The following EPG5 variants were observed in gnomAD, a reference collection of about 807,000 sequenced individuals.
EPG5 encodes the protein ectopic P-granules 5 autophagy tethering factor, also known as ectopic P granules protein 5 homolog.
Under a neutral mutation model 302.7 loss-of-function variants are expected in EPG5, and 159 were observed. The ratio of observed to expected loss-of-function variants is 0.53; its 90% CI spans 0.46 to 0.60. EPG5 has a LOEUF of 0.60. Among genes scored for constraint, EPG5 ranks in the 20% least tolerant of loss-of-function variants. The probability of loss-of-function intolerance (pLI) is 0.00; values close to 1 mark genes in which losing one functional copy is unlikely to be tolerated. For synonymous variants in EPG5, 1,158 were observed against 1,136.8 expected (o/e 1.02, Z -0.37); for missense variants, 2,896 against 3,092.4 (o/e 0.94, Z 1.51).
chr18:45,913,489 G>A (rs1436539720), intron 21 of EPG5, among the ~76,000 whole-genome samples: 1 of 152,206 alleles, frequency 6.6e-6, no homozygotes, highest in Admixed American at 6.5e-5. Flanking sequence ...CATGTGCAAT[G>A]ATCCAGCCTT....
At chr18:45,956,158 C>T (rs990256117) in intron 1 of EPG5, among the ~76,000 whole-genome samples, 29 of 152,198 alleles carry the variant, frequency 1.9e-4, no homozygotes, top group African/African-American at 6.8e-4. Flanking sequence ...ACCAGTAATA[C>T]TGACATCAGA....
At chr18:45,878,765 T>C (rs958923356) in intron 33 of EPG5, among the ~76,000 whole-genome samples, 6 of 152,148 alleles carry the variant, frequency 3.9e-5, no homozygotes, top group Admixed American at 1.3e-4. Flanking sequence ...AACTGAAACC[T>C]CTCTGTACCC....
At chr18:45,838,910 C>T in the EPG5 span, 1 of 1,602,140 alleles carries the variant, frequency 6.2e-7, no homozygotes, top group Admixed American at 1.7e-5. Flanking sequence ...CCCGCACTGA[C>T]CCATGACGGC....
the EPG5 span, among the ~76,000 whole-genome samples, chr18:45,815,517 C>G: frequency 6.6e-6 from 1 of 151,774 alleles, no homozygotes; most frequent in Non-Finnish European, 1.5e-5. Flanking sequence ...AGAATCAAAT[C>G]AAGAACTCAA....
Position 45,928,893 on chromosome 18 carries a change from T to C in EPG5, c.2529A>G (p.Gln843=), listed in dbSNP as rs780942299. The C allele has an allele frequency of 8.1e-6, 13 of 1,613,840 alleles. No individual in the cohort carries two copies. In the African/African-American group the frequency reaches 1.6e-4, roughly 20 times the overall value. Residue 843 remains glutamine, a synonymous_variant, in exon 13 of 44, where the codon CAA becomes CAG. Coordinates refer to ENST00000282041, the MANE Select transcript of EPG5 (RefSeq NM_020964.3). The part of the protein sequence containing the change: ...EIISVLLDRV[Q]ETIDQVGMVS... ...CCATTCCAACCTGGTCAATGGTCTC[T>C]TGAACTCTATCCAGAAGGACGGAAA...
chr18:45,938,234 G>C (rs541244189), intron 10 of EPG5, among the ~76,000 whole-genome samples: 9 of 152,272 alleles, frequency 5.9e-5, no homozygotes, highest in African/African-American at 2.2e-4. Flanking sequence ...GCTGAGCCGG[G>C]CAGATCACTT....
chr18:45,884,497 C>A, intron 30 of EPG5, 120 bp downstream of exon 30: 1 of 804,748 alleles, frequency 1.2e-6, no homozygotes, highest in Non-Finnish European at 1.9e-6. Flanking sequence ...GTGAAAAAGG[C>A]CTCTCAGCCT....
At chr18:45,895,984 G>A (rs2049462302) in intron 27 of EPG5, among the ~76,000 whole-genome samples, 1 of 152,150 alleles carries the variant, frequency 6.6e-6, no homozygotes, top group Non-Finnish European at 1.5e-5. Flanking sequence ...TGAGCAAAAC[G>A]AACAACTTGC....
chr18:45,936,802 A>C (rs2050538460), intron 10 of EPG5, among the ~76,000 whole-genome samples: 2 of 150,790 alleles, frequency 1.3e-5, no homozygotes, highest in African/African-American at 4.9e-5. Context: ...AAAAAACTTA[A>C]AAAAATACGA....
chr18:45,836,314 T>G, the EPG5 span, among the ~76,000 whole-genome samples: 1 of 152,142 alleles, frequency 6.6e-6, no homozygotes, highest in African/African-American at 2.4e-5. Flanking sequence ...ACATGGTATC[T>G]ATGAAAGCAC....
At chr18:45,862,111 G>A (rs61224237) in intron 39 of EPG5, among the ~76,000 whole-genome samples, 2,019 of 152,232 alleles carry the variant, frequency 0.013, 48 homozygotes, top group African/African-American at 0.046. Flanking sequence ...TTGGTTCCCA[G>A]ATGATGTAAT....
intron 9 of EPG5, 112 bp downstream of exon 9, chr18:45,943,049 G>T: frequency 1.9e-6 from 2 of 1,039,460 alleles, no homozygotes; most frequent in Non-Finnish European, 2.7e-6. Flanking sequence ...TAACTATTAC[G>T]AGAAATAAGA....
chr18:45,817,489 T>C, the EPG5 span, among the ~76,000 whole-genome samples: 1 of 152,228 alleles, frequency 6.6e-6, no homozygotes, highest in African/African-American at 2.4e-5. Flanking sequence ...CATGAGCAAC[T>C]TAGCTGAGTG....
At chr18:45,823,477 G>GTA in the EPG5 span, among the ~76,000 whole-genome samples, 1 of 152,126 alleles carries the variant, frequency 6.6e-6, no homozygotes, top group African/African-American at 2.4e-5. Flanking sequence ...CGGTAAAGCT[G>GTA]TATTTCCTTA....
Position 45,878,437 on chromosome 18 carries a change from G to C in EPG5, c.5881C>G (p.Leu1961Val), listed in dbSNP as rs528443920. ...TASRKTVLKS[L>V]HSVIIQLFKP... is the part of the protein sequence containing the mutation. ...AAGAGCTGAATGATTACTGAATGTA[G>C]GGATTTCAGCACTAAAAAGTTTTAG... The change falls in exon 34 of 44, where the codon CTA becomes GTA. Residue 1961 changes from leucine to valine, a missense_variant. Leu to Val is a conservative substitution (Grantham distance 32). Coordinates refer to ENST00000282041, the MANE Select transcript of EPG5 (RefSeq NM_020964.3). 2 of 1,611,258 alleles carry C rather than the reference G, an allele frequency of 1.2e-6. No individual in the cohort carries two copies. The highest frequency in any genetic ancestry group is 1.7e-6 in the Non-Finnish European group (2 of 1,178,464).
intron 13 of EPG5, among the ~76,000 whole-genome samples, chr18:45,927,593 T>TACATACACACACAC (rs2050302626): frequency 7.5e-6 from 1 of 133,426 alleles, no homozygotes; most frequent in Non-Finnish European, 1.6e-5. Flanking sequence ...CAAAAAGTTA[T>TACATACACACACAC]ACACACACAC....
chr18:45,852,467 C>CT lies in EPG5; in HGVS notation c.7739dup (p.Ter2580=). Residue 2580 remains the stop codon, a frameshift_variant and stop_retained_variant, in exon 44 of 44, where the codon TAG becomes TAAG. Coordinates refer to ENST00000282041, the MANE Select transcript of EPG5 (RefSeq NM_020964.3). LOFTEE classifies it high-confidence loss of function. The part of the protein sequence containing the change: ...PEVHYLDHIR[*] ...GGTTTTTCAAGAGCCTCAGTGTTAA[C>CT]TATCGTATGTGGTCCAAATAATGCA... 6.2e-7 allele frequency: 1 copy of CT among 1,608,320 alleles called. No individual in the cohort carries two copies. Among genetic ancestry groups the CT allele is most frequent in the East Asian group, 2.2e-5 (1 of 44,854 alleles).
chr18:45,944,987 A>G (rs1364110216), intron 7 of EPG5, among the ~76,000 whole-genome samples: 1 of 152,206 alleles, frequency 6.6e-6, no homozygotes, highest in Non-Finnish European at 1.5e-5. Context: ...CGTTTGACAC[A>G]GAGCACTAAA....
chr18:45,921,398 TAAGAA>T (rs572913279), intron 16 of EPG5, among the ~76,000 whole-genome samples: 315 of 152,268 alleles, frequency 2.1e-3, no homozygotes, highest in African/African-American at 7.1e-3. Context: ...AATTAATGCA[TAAGAA>T]AAGAATCTTT....
Sources: gnomAD v4.1 joint callset for allele counts (sites outside exome capture counted in the v4.1 genomes callset) on GRCh38, gnomAD v4.1.1 for gene constraint, MANE v1.5 for transcripts, NCBI Gene and HGNC (gene_info 2026-07-23, HGNC 2026-07-21) for gene names.